Variants in EYS observed in about 807,000 individuals in gnomAD.
EYS encodes protein eyes shut homolog.
EYS carries 250 observed loss-of-function variants against 282.1 expected under a neutral mutation model. That is an observed-to-expected ratio of 0.89 (90% confidence interval 0.80 to 0.98). EYS has a LOEUF of 0.98. Among genes scored for constraint, EYS ranks in the 50% least tolerant of loss-of-function variants. The pLI is 0.00. For synonymous variants in EYS, 1,355 were observed against 1,282.9 expected (o/e 1.06, Z -1.20); for missense variants, 4,016 against 3,709.0 (o/e 1.08, Z -2.15).
At chr6:65,183,325 G>T (rs547133689) in intron 12 of EYS, among the ~76,000 whole-genome samples, 1 of 151,822 alleles carries the variant, frequency 6.6e-6, no homozygotes, top group Admixed American at 6.6e-5. Flanking sequence ...TTTAAGCTTT[G>T]CTGAGTACCT....
chr6:64,091,443 AG>A (rs1772356898), intron 31 of EYS, among the ~76,000 whole-genome samples: 1 of 152,192 alleles, frequency 6.6e-6, no homozygotes, highest in African/African-American at 2.4e-5. Flanking sequence ...TTTAATTAAA[AG>A]TGTTCCACTC....
At chr6:65,380,890 G>C (rs1195669915) in intron 8 of EYS, among the ~76,000 whole-genome samples, 1 of 152,108 alleles carries the variant, frequency 6.6e-6, no homozygotes, top group African/African-American at 2.4e-5. Context: ...CTGGTCATTA[G>C]AGAAATGCAA....
chr6:65,514,666 C>G (rs1767049045), intron 2 of EYS, among the ~76,000 whole-genome samples: 1 of 152,098 alleles, frequency 6.6e-6, no homozygotes, highest in Non-Finnish European at 1.5e-5. Context: ...CTTTGACAAA[C>G]CTGAGAAAAA....
chr6:63,763,394 T>C (rs1353007460), intron 40 of EYS, among the ~76,000 whole-genome samples: 1 of 152,050 alleles, frequency 6.6e-6, no homozygotes, highest in Non-Finnish European at 1.5e-5. Context: ...AATTTAAACA[T>C]AAGTTAAATA....
At chr6:64,141,275 G>A (rs181047189) in intron 31 of EYS, among the ~76,000 whole-genome samples, 3 of 152,140 alleles carry the variant, frequency 2.0e-5, no homozygotes, top group African/African-American at 7.2e-5. Context: ...CAATGATGTT[G>A]GTTGGCATGG....
intron 22 of EYS, among the ~76,000 whole-genome samples, chr6:64,683,248 T>C (rs371933316): frequency 1.6e-4 from 25 of 152,310 alleles, no homozygotes; most frequent in South Asian, 1.2e-3. Context: ...AAATGTGATC[T>C]ACATGTTAAT....
chr6:65,353,320 A>G (rs566206600), intron 9 of EYS, 138 bp downstream of exon 9: 11 of 717,648 alleles, frequency 1.5e-5, no homozygotes, highest in South Asian at 1.5e-4. Flanking sequence ...ACATTAGAAA[A>G]TAAGAGTATT....
chr6:63,737,995 A>G (rs779310851), intron 41 of EYS, among the ~76,000 whole-genome samples: 7 of 152,252 alleles, frequency 4.6e-5, no homozygotes, highest in Non-Finnish European at 1.0e-4. Context: ...AATGCTCACC[A>G]TCACTGGCCA....
chr6:64,050,365 T>G (rs1712167838), intron 33 of EYS, among the ~76,000 whole-genome samples: 1 of 152,196 alleles, frequency 6.6e-6, no homozygotes, highest in Non-Finnish European at 1.5e-5. Context: ...GTTTCTTACA[T>G]TTGTCTTAGT....
intron 12 of EYS, among the ~76,000 whole-genome samples, chr6:65,070,992 A>G (rs142098970): frequency 2.3e-3 from 354 of 151,968 alleles, no homozygotes; most frequent in Admixed American, 4.9e-3. Context: ...TCACTTTTTT[A>G]TTTCACAGTT....
intron 5 of EYS, among the ~76,000 whole-genome samples, chr6:65,451,546 T>C (rs895710527): frequency 6.6e-6 from 1 of 152,052 alleles, no homozygotes; most frequent in Non-Finnish European, 1.5e-5. Context: ...TACAGTATTG[T>C]CAAATACTTT....
intron 36 of EYS, among the ~76,000 whole-genome samples, chr6:63,851,940 G>A (rs577435965): frequency 1.8e-4 from 28 of 152,050 alleles, no homozygotes; most frequent in Middle Eastern, 3.4e-3. Flanking sequence ...GGCAGATCAC[G>A]AGGTCAGGAG....
At chr6:63,824,547 G>A (rs758269069) in intron 36 of EYS, among the ~76,000 whole-genome samples, 1 of 152,126 alleles carries the variant, frequency 6.6e-6, no homozygotes, top group Non-Finnish European at 1.5e-5. Flanking sequence ...GCTGCAGGAC[G>A]CGGAGACACC....
chr6:65,334,642 G>T (rs893342374), intron 11 of EYS, among the ~76,000 whole-genome samples: 1 of 151,736 alleles, frequency 6.6e-6, no homozygotes, highest in Admixed American at 6.6e-5. Flanking sequence ...TTTTGTTGTT[G>T]TTTTTTGTAG....
At chr6:65,249,904 A>G (rs973001084) in intron 12 of EYS, among the ~76,000 whole-genome samples, 6 of 152,034 alleles carry the variant, frequency 3.9e-5, no homozygotes, top group African/African-American at 1.4e-4. Flanking sequence ...TGGAAGCATC[A>G]CTGGCAATAC....
At chr6:64,706,614 A>G (rs1486913160) in intron 22 of EYS, among the ~76,000 whole-genome samples, 3 of 152,188 alleles carry the variant, frequency 2.0e-5, no homozygotes, top group Admixed American at 6.5e-5. Context: ...CAAATCAGCA[A>G]GAAAAAAAAC....
chr6:64,792,609 A>G (rs1167690233), intron 22 of EYS, among the ~76,000 whole-genome samples: 1 of 152,038 alleles, frequency 6.6e-6, no homozygotes, highest in Non-Finnish European at 1.5e-5. Flanking sequence ...CAAAGATATG[A>G]TTAATACCTA....
chr6:65,667,597 GA>G (rs952235732), intron 1 of EYS, among the ~76,000 whole-genome samples: 1 of 151,572 alleles, frequency 6.6e-6, no homozygotes, highest in Non-Finnish European at 1.5e-5. Context: ...TTCTTATCAC[GA>G]ATACCCTTAT....
intron 22 of EYS, among the ~76,000 whole-genome samples, chr6:64,672,312 A>T (rs1235192857): frequency 6.6e-6 from 1 of 152,192 alleles, no homozygotes; most frequent in Non-Finnish European, 1.5e-5. Context: ...TCACGGAAAA[A>T]CACAAGACCT....
Sources: gnomAD v4.1 joint callset for allele counts (sites outside exome capture counted in the v4.1 genomes callset) on GRCh38, gnomAD v4.1.1 for gene constraint, MANE v1.5 for transcripts, NCBI Gene and HGNC (gene_info 2026-07-23, HGNC 2026-07-21) for gene names.